Variants in GPR107 observed in about 807,000 individuals in gnomAD.
GPR107 encodes protein GPR107.
A neutral mutation model predicts 75.5 loss-of-function variants in GPR107; 31 were observed. The ratio of observed to expected loss-of-function variants is 0.41; its 90% confidence interval spans 0.31 to 0.55. The LOEUF is 0.55. GPR107 is among the 20% of genes least tolerant of loss of function. The pLI, the probability that GPR107 is intolerant of heterozygous loss-of-function variation, is 0.26. For missense variants in GPR107, 572 were observed against 665.7 expected (o/e 0.86, Z 1.55); for synonymous variants, 267 against 251.3 (o/e 1.06, Z -0.59).
At chr9:130,118,036 A>C (rs1399348594) in intron 14 of GPR107, among the ~76,000 whole-genome samples, 1 of 152,202 alleles carries the variant, frequency 6.6e-6, no homozygotes, top group Non-Finnish European at 1.5e-5. Flanking sequence ...TTCCCTTAGC[A>C]TGAAGCGTAG....
intron 1 of GPR107, among the ~76,000 whole-genome samples, chr9:130,065,095 ATAGGAACGTGT>A (rs1322970504): frequency 2.6e-5 from 4 of 152,196 alleles, no homozygotes; most frequent in African/African-American, 9.6e-5. Flanking sequence ...CTCTAACTTC[ATAGGAACGTGT>A]TATTACTTTA....
chr9:130,135,381 AAAGG>A lies in GPR107; in HGVS notation c.*264_*267del. On this transcript the variant is annotated 3_prime_UTR_variant, in exon 18 of 18. Transcript: ENST00000347136. ...GCACAGGGAGGAGGAGAGGAAGAGA[AAAGG>A]AAGAATTCATTTTTAATTTAGGTTT... 2.4e-6 allele frequency: 1 copy of A among 412,216 alleles called. No homozygotes were observed. Among genetic ancestry groups the A allele is most frequent in the Non-Finnish European group, 4.3e-6 (1 of 232,162 alleles). The allele number at this position is 412,216 out of a possible 1,614,324, so 25.5% of individuals were successfully genotyped here.
intron 4 of GPR107, among the ~76,000 whole-genome samples, chr9:130,078,834 ACTGGC>A (rs1321153891): frequency 6.6e-6 from 1 of 152,202 alleles, no homozygotes; most frequent in East Asian, 1.9e-4. Context: ...GGGAACTGTC[ACTGGC>A]CCCTCCTGGG....
At chr9:130,093,337 A>T (rs566448713) in intron 9 of GPR107, among the ~76,000 whole-genome samples, 20 of 152,306 alleles carry the variant, frequency 1.3e-4, no homozygotes, top group Admixed American at 3.9e-4. Flanking sequence ...CATTTAGAGA[A>T]TCGTGTAAAG....
chr9:130,122,293 G>T (rs1831566306), intron 14 of GPR107, among the ~76,000 whole-genome samples: 1 of 152,188 alleles, frequency 6.6e-6, no homozygotes, highest in Non-Finnish European at 1.5e-5. Context: ...GCTGGTTTGG[G>T]AGGGCCACGG....
chr9:130,060,467 G>GT (rs1361323388), intron 1 of GPR107, among the ~76,000 whole-genome samples: 1 of 142,418 alleles, frequency 7.0e-6, no homozygotes, highest in African/African-American at 2.7e-5. Context: ...GGAGTACAGT[G>GT]GCTATTCACC....
chr9:130,113,847 A>G (rs1008664198), intron 14 of GPR107, among the ~76,000 whole-genome samples: 37 of 152,136 alleles, frequency 2.4e-4, no homozygotes, highest in African/African-American at 7.2e-4. Flanking sequence ...ATCACAGACT[A>G]TTCACAGTAA....
At chr9:130,059,230 G>T (rs934134291) in intron 1 of GPR107, among the ~76,000 whole-genome samples, 10 of 152,216 alleles carry the variant, frequency 6.6e-5, no homozygotes, top group South Asian at 2.1e-4. Flanking sequence ...GGTAGCTCAT[G>T]CCTGTAATGG....
chr9:130,119,128 G>C (rs982432545), intron 14 of GPR107, among the ~76,000 whole-genome samples: 1 of 152,198 alleles, frequency 6.6e-6, no homozygotes, highest in Non-Finnish European at 1.5e-5. Context: ...ACAATGGAGG[G>C]AGTCGTGGGA....
At chr9:130,113,672 T>A (rs1831357252) in intron 14 of GPR107, among the ~76,000 whole-genome samples, 1 of 152,186 alleles carries the variant, frequency 6.6e-6, no homozygotes, top group Non-Finnish European at 1.5e-5. Context: ...ACCTGGCCAG[T>A]GCAGGATGTT....
At chr9:130,075,777 G>A (rs771601173) in intron 2 of GPR107, 28 bp downstream of exon 2, 6 of 1,021,786 alleles carry the variant, frequency 5.9e-6, no homozygotes, top group African/African-American at 5.1e-5. Context: ...AGATCCAGGG[G>A]TTTACTCTTT....
chr9:130,126,056 C>CAAAAA (rs569390895), intron 15 of GPR107, among the ~76,000 whole-genome samples: 1 of 113,404 alleles, frequency 8.8e-6, no homozygotes. Flanking sequence ...GACTCTGTCT[C>CAAAAA]AAAAAAAAAA....
intron 17 of GPR107, among the ~76,000 whole-genome samples, chr9:130,132,805 A>AT (rs1831858664): frequency 7.7e-6 from 1 of 129,836 alleles, no homozygotes; most frequent in African/African-American, 2.8e-5. Flanking sequence ...AATAAAAAAA[A>AT]AATATATATA....
At chr9:130,110,276 C>A in intron 14 of GPR107, 1 of 752,350 alleles carries the variant, frequency 1.3e-6, no homozygotes, top group Non-Finnish European at 2.4e-6. Flanking sequence ...CAGCGTTGTC[C>A]CCCAGCATCT....
rs1428856609 is a variant in GPR107 at position 130,136,124 on chromosome 9, A to G, written c.*1003A>G. Reference sequence around the variant, plus strand: ...AAAGCTTTTCCTGTAGGCTAGTAGGATTTCTAAATAGATGAATTCAACAGA... The same window carrying G: ...AAAGCTTTTCCTGTAGGCTAGTAGGGTTTCTAAATAGATGAATTCAACAGA... On this transcript the variant is annotated 3_prime_UTR_variant, in exon 18 of 18. Transcript: ENST00000347136. 1 of 152,194 alleles carries G rather than the reference A, an allele frequency of 6.6e-6. No individual in the cohort carries two copies. The highest frequency in any genetic ancestry group is 2.4e-5 in the African/African-American group (1 of 41,442). The allele number at this position is 152,194 out of a possible 1,614,324, so 9.4% of individuals were successfully genotyped here. A position where few individuals can be genotyped will look rare whatever the true frequency, so the allele number is the denominator to read the frequency against.
intron 9 of GPR107, among the ~76,000 whole-genome samples, chr9:130,096,468 C>CT (rs34230243): frequency 0.84 from 102,474 of 122,266 alleles, 43,916 homozygotes; most frequent in Non-Finnish European, 0.88. Flanking sequence ...CATTTTTGGA[C>CT]TTTTTTTTTT....
chr9:130,072,646 G>T (rs1312194363), intron 1 of GPR107, among the ~76,000 whole-genome samples: 1 of 151,766 alleles, frequency 6.6e-6, no homozygotes, highest in African/African-American at 2.4e-5. Flanking sequence ...TCAAAAACCT[G>T]TTTTTCATGG....
chr9:130,116,043 A>G (rs1163751365), intron 14 of GPR107, among the ~76,000 whole-genome samples: 2 of 152,240 alleles, frequency 1.3e-5, no homozygotes, highest in African/African-American at 4.8e-5. Flanking sequence ...CTTCTGATGA[A>G]CATTATGAAA....
At chr9:130,056,429 G>A (rs1049208953) in intron 1 of GPR107, among the ~76,000 whole-genome samples, 1 of 151,544 alleles carries the variant, frequency 6.6e-6, no homozygotes, top group East Asian at 1.9e-4. Flanking sequence ...CAGCCTGGGC[G>A]ACAGAGCAAG....
Sources: allele counts gnomAD v4.1 joint callset (sites outside exome capture counted in the v4.1 genomes callset), GRCh38; gene constraint gnomAD v4.1.1; transcripts MANE v1.5; gene names NCBI Gene and HGNC (gene_info 2026-07-23, HGNC 2026-07-21).